The following XPNPEP3 variants were observed in gnomAD, a reference collection of about 807,000 sequenced individuals.
The protein encoded by XPNPEP3 is xaa-Pro aminopeptidase 3.
In XPNPEP3, 41 loss-of-function variants were observed where a neutral mutation model predicts 60.0. The observed-to-expected ratio is 0.68, with a 90% CI of 0.53 to 0.89. The LOEUF (loss-of-function observed/expected upper bound fraction) is 0.89. XPNPEP3 is among the 40% of genes least tolerant of loss of function. The pLI is 0.00. For synonymous variants in XPNPEP3, 212 were observed against 223.2 expected (o/e 0.95, Z 0.45); for missense variants, 598 against 638.9 (o/e 0.94, Z 0.69).
intron 6 of XPNPEP3, among the ~76,000 whole-genome samples, chr22:40,912,185 A>C (rs1012670789): frequency 3.3e-5 from 5 of 152,150 alleles, no homozygotes; most frequent in African/African-American, 1.2e-4. Context: ...TCTTAGTGTG[A>C]TAAATATTCA....
chr22:40,864,980 T>A (rs1055556360), intron 1 of XPNPEP3, among the ~76,000 whole-genome samples: 3 of 152,200 alleles, frequency 2.0e-5, no homozygotes, highest in African/African-American at 7.2e-5. Flanking sequence ...ATTCTGCTCT[T>A]AAGAAATTCA....
chr22:40,865,139 G>A (rs1737223465), intron 1 of XPNPEP3, among the ~76,000 whole-genome samples: 1 of 152,070 alleles, frequency 6.6e-6, no homozygotes, highest in Admixed American at 6.6e-5. Flanking sequence ...CTTATCCAGA[G>A]TATTGTCTCA....
In XPNPEP3 at chr22:40,881,877, G is replaced by A. The variant is rs1411964080; in HGVS notation, c.289G>A (p.Val97Met). 5.0e-6 allele frequency: 8 copies of A among 1,614,194 alleles called. No individual in the cohort carries two copies. Among genetic ancestry groups the A allele is most frequent in the Non-Finnish European group, 6.8e-6 (8 of 1,180,028 alleles). ...AQGQSGTDQT[V>M]VVLSNPTYYM... is the part of the protein sequence containing the mutation. ...AGGGCAGAGTGGGACAGACCAGACA[G>A]TGGTTGTGCTCTCCAACCCTACATA... Residue 97 changes from valine to methionine, a missense_variant, in exon 3 of 10, where the codon GTG becomes ATG. Transcript: ENST00000357137.
rs149771105 is a variant in XPNPEP3 at position 40,861,811 on chromosome 22, G to A, written c.64+4566G>A. 2.4e-3 allele frequency: 3,844 copies of A among 1,612,418 alleles called. 6 individuals carry two copies. Among genetic ancestry groups the A allele is most frequent in the Non-Finnish European group, 2.8e-3 (3,345 of 1,179,772 alleles). On this transcript the variant is annotated intron_variant, in intron 1 of 9. Transcript: ENST00000357137. ...GTGCCATATTTATCATAAATGTCCC[G>A]TTTCTCATCATTTGATAATACCTCG...
At chr22:40,882,636 A>G (rs1294121818) in intron 3 of XPNPEP3, among the ~76,000 whole-genome samples, 1 of 147,980 alleles carries the variant, frequency 6.8e-6, no homozygotes, top group Non-Finnish European at 1.5e-5. Flanking sequence ...GACTGTCTTA[A>G]AAAAAAAAAA....
chr22:40,907,304 C>T (rs2058159860), intron 4 of XPNPEP3: 5 of 417,828 alleles, frequency 1.2e-5, no homozygotes, highest in South Asian at 9.6e-5. Flanking sequence ...GCCTGTAGTC[C>T]CAGCTACTCG....
At chr22:40,889,371 A>G (rs749214524) in intron 4 of XPNPEP3, among the ~76,000 whole-genome samples, 5 of 152,202 alleles carry the variant, frequency 3.3e-5, no homozygotes, top group Non-Finnish European at 7.3e-5. Context: ...CACCTTGACC[A>G]AGGAAGGAAC....
At chr22:40,917,984 C>G (rs1170535035) in intron 7 of XPNPEP3, 1 of 148,630 alleles carries the variant, frequency 6.7e-6, no homozygotes, top group Non-Finnish European at 1.5e-5. Context: ...ACACTCCAGC[C>G]TAGGCAGCAG....
rs765901331 is a variant in XPNPEP3 at position 40,914,224 on chromosome 22, C to G, written c.970-15C>G. 11 of 1,609,618 alleles carry G rather than the reference C, an allele frequency of 6.8e-6. No homozygotes were observed. The highest frequency in any genetic ancestry group is 3.3e-5 in the South Asian group (3 of 90,978). On this transcript the variant is annotated splice_polypyrimidine_tract_variant and intron_variant, in intron 6 of 9. Coordinates refer to ENST00000357137, the MANE Select transcript of XPNPEP3 (RefSeq NM_022098.4). The stretch of plus-strand genomic sequence containing the variant: ...CATGAGCTTATCCACTTTAACCTGT[C>G]TTACTTTGTTCCAGGATGGGGAAAT...
chr22:40,907,918 G>A (rs9623277), intron 5 of XPNPEP3, among the ~76,000 whole-genome samples: 10,181 of 152,148 alleles, frequency 0.067, 1,104 homozygotes, highest in African/African-American at 0.23. Flanking sequence ...AGGTCAATGT[G>A]AAGAAGAGGC....
intron 2 of XPNPEP3, among the ~76,000 whole-genome samples, chr22:40,879,869 A>C (rs2058040750): frequency 6.6e-6 from 1 of 150,604 alleles, no homozygotes; most frequent in Non-Finnish European, 1.5e-5. Context: ...AATAAATAAA[A>C]ATACAAAAAT....
At chr22:40,884,748 G>A (rs370146863) in intron 3 of XPNPEP3, among the ~76,000 whole-genome samples, 15 of 151,832 alleles carry the variant, frequency 9.9e-5, no homozygotes, top group Middle Eastern at 3.4e-3. Flanking sequence ...ACAATTGGCC[G>A]GGTGCAGTGG....
At chr22:40,916,240 C>T (rs1259660792) in intron 7 of XPNPEP3, among the ~76,000 whole-genome samples, 1 of 151,246 alleles carries the variant, frequency 6.6e-6, no homozygotes, top group Non-Finnish European at 1.5e-5. Context: ...TGCAGTGAGC[C>T]GAGATTGTAC....
Position 40,876,879 on chromosome 22 carries a change from T to A in XPNPEP3, c.182-4891T>A, listed in dbSNP as rs191211841. On this transcript the variant is annotated intron_variant, in intron 2 of 9. Coordinates refer to ENST00000357137, the MANE Select transcript of XPNPEP3 (RefSeq NM_022098.4). ...AGTTTGGAGAGTAGTATACTTTTTT[T>A]AAATCAGGTAAAATTTATATGCAGC... Among the ~76,000 whole-genome samples the A allele has an allele frequency of 2.6e-4, 39 of 152,338 alleles. No homozygotes were observed. The East Asian group carries it at 5.0e-3, about 20-fold the overall frequency.
intron 4 of XPNPEP3, among the ~76,000 whole-genome samples, chr22:40,888,719 C>T (rs1013255350): frequency 6.6e-6 from 1 of 150,724 alleles, no homozygotes; most frequent in African/African-American, 2.4e-5. Context: ...CTTTTAATTC[C>T]ATTTGGTATA....
At chr22:40,893,088 T>G (rs1037480929) in intron 4 of XPNPEP3, among the ~76,000 whole-genome samples, 1 of 146,808 alleles carries the variant, frequency 6.8e-6, no homozygotes, top group African/African-American at 2.5e-5. Context: ...TTATATTATA[T>G]ATTTAGTTTA....
chr22:40,907,507 T>G, intron 4 of XPNPEP3, 80 bp from the exon 5 acceptor site: 1 of 1,414,882 alleles, frequency 7.1e-7, no homozygotes, highest in Non-Finnish European at 1.0e-6. Flanking sequence ...TGCTTTTCAT[T>G]TGAGCTCCAG....
chr22:40,872,200 G>T (rs2058008673), intron 2 of XPNPEP3, among the ~76,000 whole-genome samples: 1 of 152,118 alleles, frequency 6.6e-6, no homozygotes, highest in African/African-American at 2.4e-5. Flanking sequence ...TTCTGTTCTG[G>T]CTGTGCTAGG....
rs1482603055 is a variant in XPNPEP3, at chr22:40,928,165, C to G, written c.*1730C>G. On this transcript the variant is annotated 3_prime_UTR_variant, in exon 10 of 10. Coordinates refer to ENST00000357137, the MANE Select transcript of XPNPEP3 (RefSeq NM_022098.4). ...CTATGATTCTTATCTTTCTTTGATACTAGCACTGGGAGTGCAGTGGTAAAG... is the reference window on the plus strand; with the variant it reads ...CTATGATTCTTATCTTTCTTTGATAGTAGCACTGGGAGTGCAGTGGTAAAG... The G allele has an allele frequency of 6.6e-6, 1 of 150,442 alleles. No individual in the cohort carries two copies. Among genetic ancestry groups the G allele is most frequent in the African/African-American group, 2.4e-5 (1 of 40,990 alleles). The allele number at this position is 150,442 out of a possible 1,614,324, so 9.3% of individuals were successfully genotyped here. A position where few individuals can be genotyped will look rare whatever the true frequency, so the allele number is the denominator to read the frequency against.
Sources: gnomAD v4.1 joint callset for allele counts (sites outside exome capture counted in the v4.1 genomes callset) on GRCh38, gnomAD v4.1.1 for gene constraint, MANE v1.5 for transcripts, NCBI Gene and HGNC (gene_info 2026-07-23, HGNC 2026-07-21) for gene names.